SNX8: variants seen among roughly 807,000 people sequenced by gnomAD.
SNX8 encodes sorting nexin 8, also known as sorting nexin-8.
In SNX8, 25 loss-of-function variants were observed where a neutral mutation model predicts 51.6. The ratio of observed to expected loss-of-function variants is 0.48; its 90% CI spans 0.35 to 0.68. The LOEUF (loss-of-function observed/expected upper bound fraction) is 0.68. Among genes scored for constraint, SNX8 ranks in the 30% least tolerant of loss-of-function variants. The pLI, the probability that SNX8 is intolerant of heterozygous loss-of-function variation, is 0.00. For synonymous variants in SNX8, 324 were observed against 277.0 expected, an observed-to-expected ratio of 1.17 and a Z score of -1.68; for missense variants, 695 against 624.0, an observed-to-expected ratio of 1.11 and a Z score of -1.21.
intron 1 of SNX8, among the ~76,000 whole-genome samples, chr7:2,283,267 G>A (rs542432979): frequency 3.3e-5 from 5 of 152,250 alleles, no homozygotes; most frequent in Non-Finnish European, 7.3e-5. Context: ...GCACGGGACA[G>A]ACACTGGAGG....
At chr7:2,271,243 T>C (rs1795637602) in intron 4 of SNX8, among the ~76,000 whole-genome samples, 1 of 152,250 alleles carries the variant, frequency 6.6e-6, no homozygotes, top group South Asian at 2.1e-4. Flanking sequence ...AGTCTCGCTA[T>C]GTTGTCCAGG....
intron 1 of SNX8, among the ~76,000 whole-genome samples, chr7:2,347,783 T>C (rs1189418688): frequency 6.6e-6 from 1 of 151,942 alleles, no homozygotes; most frequent in Middle Eastern, 3.2e-3. Flanking sequence ...GTAGCTGGAA[T>C]TACAGGCGTG....
chr7:2,335,370 C>A (rs115694608), intron 1 of SNX8, among the ~76,000 whole-genome samples: 1 of 151,640 alleles, frequency 6.6e-6, no homozygotes, highest in South Asian at 2.1e-4. Context: ...GCATGCTAGC[C>A]GGGCGTGGTG....
chr7:2,314,210 G>A lies in SNX8; in HGVS notation c.94+118C>T, dbSNP rs1028507908. 8.1e-5 allele frequency: 87 copies of A among 1,073,776 alleles called. No individual in the cohort carries two copies. The African/African-American group carries it at 1.1e-3, about 14-fold the overall frequency. 66.5% of individuals were successfully genotyped at this position (1,073,776 alleles called of 1,614,324 possible). On this transcript the variant is annotated intron_variant, in intron 1 of 10. Transcript: ENST00000222990. ...GGGACTGGGGCGTGGGGCCGAACGC[G>A]GGGCGCGGGGGCAGGAAACGAGTCG...
chr7:2,314,953 C>T (rs189570524), upstream of SNX8, among the ~76,000 whole-genome samples: 5 of 152,224 alleles, frequency 3.3e-5, no homozygotes, highest in East Asian at 9.7e-4. Context: ...ATCCTGCATT[C>T]ATCCAGCCAC....
intron 1 of SNX8, among the ~76,000 whole-genome samples, chr7:2,349,978 C>A (rs1049286366): frequency 2.8e-4 from 42 of 152,170 alleles, no homozygotes; most frequent in African/African-American, 9.9e-4. Context: ...CCGGAGCCAC[C>A]CCACTAGAGA....
chr7:2,351,994 G>A lies in SNX8; in HGVS notation c.-66+2228C>T, dbSNP rs545069124. On this transcript the variant is annotated intron_variant, in intron 1 of 5. Coordinates refer to the SNX8 transcript ENST00000435336. ...GCAATCTCCGCTCACTACGCCCTCT[G>A]CCTCCAGGGTACAAGTGATTCTCCC... Among the ~76,000 whole-genome samples the A allele has an allele frequency of 1.6e-4, 22 of 137,164 alleles. No homozygotes were observed. The South Asian group carries it at 5.0e-3, about 31-fold the overall frequency. 90.0% of individuals were successfully genotyped at this position (137,164 alleles called of 152,430 possible).
chr7:2,278,376 G>C (rs1348313376), intron 1 of SNX8, 71 bp from the exon 2 acceptor site: 2 of 969,210 alleles, frequency 2.1e-6, no homozygotes, highest in African/African-American at 1.6e-5. Context: ...GGGCACAGTG[G>C]CGCAGCCCTG....
At chr7:2,345,386 G>C (rs1036938553) in intron 1 of SNX8, among the ~76,000 whole-genome samples, 2 of 152,042 alleles carry the variant, frequency 1.3e-5, no homozygotes, top group Non-Finnish European at 2.9e-5. Flanking sequence ...ATAAAACTGA[G>C]GAAATCTGGC....
intron 1 of SNX8, 49 bp downstream of exon 1, chr7:2,314,279 G>C: frequency 4.1e-6 from 5 of 1,216,184 alleles, no homozygotes; most frequent in Middle Eastern, 3.2e-4. Context: ...GGGGGTGGTC[G>C]GGCCGCGCGC....
intron 1 of SNX8, among the ~76,000 whole-genome samples, chr7:2,307,087 C>G (rs1166093073): frequency 1.3e-5 from 2 of 152,100 alleles, no homozygotes; most frequent in Non-Finnish European, 2.9e-5. Flanking sequence ...ACAACAGAAA[C>G]AGCAAAGTGC....
chr7:2,325,872 G>T lies in SNX8; in HGVS notation c.-66+28350C>A, dbSNP rs1052968988. ...AAATAAAAATAAAAAAATAAAAGAA[G>T]GTAACAGGAATGTGTTCTTGGAAAC... On this transcript the variant is annotated intron_variant, in intron 1 of 5. Coordinates refer to the SNX8 transcript ENST00000435336. Among the ~76,000 whole-genome samples the T allele has an allele frequency of 6.1e-4, 92 of 152,064 alleles. 1 individual carries two copies. The highest frequency in any genetic ancestry group is 2.1e-3 in the African/African-American group (89 of 41,530).
intron 1 of SNX8, among the ~76,000 whole-genome samples, chr7:2,342,401 C>G (rs1345705058): frequency 6.6e-6 from 1 of 152,018 alleles, no homozygotes; most frequent in Non-Finnish European, 1.5e-5. Context: ...CGCCTGTAAT[C>G]CCAGCACTTT....
intron 1 of SNX8, among the ~76,000 whole-genome samples, chr7:2,342,718 G>C (rs1277398588): frequency 2.6e-5 from 4 of 152,074 alleles, no homozygotes; most frequent in Non-Finnish European, 5.9e-5. Flanking sequence ...GGAGATGAGA[G>C]AAGACAGAGT....
intron 1 of SNX8, chr7:2,309,709 C>T (rs562331071): frequency 2.2e-6 from 1 of 447,242 alleles, no homozygotes. Flanking sequence ...CCAGCCTGGA[C>T]AACAAGAGCG....
chr7:2,314,465 C>A (rs1220246947), upstream of SNX8: 30 of 1,195,088 alleles, frequency 2.5e-5, no homozygotes, highest in African/African-American at 9.6e-5. Flanking sequence ...GCCACCCGGC[C>A]GCGCAGCCCT....
chr7:2,353,070 G>A (rs1032134961), intron 1 of SNX8, among the ~76,000 whole-genome samples: 1 of 152,174 alleles, frequency 6.6e-6, no homozygotes, highest in Non-Finnish European at 1.5e-5. Context: ...GAGGGAGGAA[G>A]ACTGCTTGAG....
intron 1 of SNX8, among the ~76,000 whole-genome samples, chr7:2,332,757 AG>A (rs1778759508): frequency 1.3e-5 from 2 of 149,650 alleles, no homozygotes; most frequent in African/African-American, 4.9e-5. Flanking sequence ...GAAGGAAGGA[AG>A]GAAGGAAGGA....
At chr7:2,262,598 G>C (rs1644213601) in intron 7 of SNX8, among the ~76,000 whole-genome samples, 1 of 152,170 alleles carries the variant, frequency 6.6e-6, no homozygotes, top group African/African-American at 2.4e-5. Context: ...AGCAAAGTGG[G>C]AACTATCTGG....
Sources: allele counts gnomAD v4.1 joint callset (sites outside exome capture counted in the v4.1 genomes callset), GRCh38; gene constraint gnomAD v4.1.1; transcripts MANE v1.5; gene names NCBI Gene and HGNC (gene_info 2026-07-23, HGNC 2026-07-21).